UBXN2B: variants seen among roughly 807,000 people sequenced by gnomAD.
The protein encoded by UBXN2B is UBX domain protein 2B.
UBXN2B carries 19 observed loss-of-function variants against 37.5 expected under a neutral mutation model. The ratio of observed to expected loss-of-function variants is 0.51; its 90% CI spans 0.35 to 0.74. The LOEUF (loss-of-function observed/expected upper bound fraction) is 0.74. Ranked by LOEUF, UBXN2B falls within the 30% of genes least tolerant of loss-of-function variation. The pLI is 0.01. For missense variants in UBXN2B, 370 were observed against 393.2 expected (o/e 0.94, Z 0.50); for synonymous variants, 145 against 143.8 (o/e 1.01, Z -0.06).
intron 6 of UBXN2B, among the ~76,000 whole-genome samples, chr8:58,440,454 G>T (rs1808512955): frequency 1.3e-5 from 2 of 152,206 alleles, no homozygotes; most frequent in Non-Finnish European, 2.9e-5. Flanking sequence ...AGAAGGCATT[G>T]TATCTGAGAC....
intron 1 of UBXN2B, among the ~76,000 whole-genome samples, chr8:58,416,219 A>C (rs1386863379): frequency 6.6e-6 from 1 of 152,092 alleles, no homozygotes; most frequent in Non-Finnish European, 1.5e-5. Context: ...TTAAAATTCC[A>C]TTTTAAGAAC....
At chr8:58,425,906 C>T in intron 2 of UBXN2B, 1 of 1,211,200 alleles carries the variant, frequency 8.3e-7, no homozygotes, top group Non-Finnish European at 1.2e-6. Flanking sequence ...TTTGTCATCA[C>T]TGGTGCGCAC....
chr8:58,434,349 A>C, intron 4 of UBXN2B, 46 bp from the exon 5 acceptor site: 1 of 194,454 alleles, frequency 5.1e-6, no homozygotes, highest in Non-Finnish European at 8.4e-6. Context: ...GTATATGTGA[A>C]TATATATATA....
intron 2 of UBXN2B, 81 bp downstream of exon 2, chr8:58,417,034 C>T (rs1807803140): frequency 9.7e-6 from 11 of 1,130,828 alleles, no homozygotes; most frequent in Non-Finnish European, 1.3e-5. Context: ...TTTTAAATGG[C>T]CTTCTTCAAG....
At chr8:58,426,104 A>C (rs11988442) in intron 2 of UBXN2B, 201,849 of 1,316,886 alleles carry the variant, frequency 0.15, 16,983 homozygotes, top group African/African-American at 0.22. Context: ...CTTCTCTTTT[A>C]ATTGCCCGTG....
At chr8:58,435,358 A>G (rs1433827040) in intron 5 of UBXN2B, among the ~76,000 whole-genome samples, 2 of 152,280 alleles carry the variant, frequency 1.3e-5, no homozygotes, top group Non-Finnish European at 2.9e-5. Flanking sequence ...TGAATTTTGA[A>G]TTTAAATTAT....
chr8:58,422,395 G>A (rs1334258931), intron 2 of UBXN2B, among the ~76,000 whole-genome samples: 3 of 152,190 alleles, frequency 2.0e-5, no homozygotes, highest in African/African-American at 7.2e-5. Flanking sequence ...AGAAGAATCC[G>A]AGGAAACAAT....
intron 1 of UBXN2B, among the ~76,000 whole-genome samples, chr8:58,414,645 T>A (rs1807725514): frequency 1.3e-5 from 2 of 152,144 alleles, no homozygotes; most frequent in African/African-American, 4.8e-5. Context: ...GTCATCTATG[T>A]TAAATAATAT....
At chr8:58,430,899 C>T (rs914749608) in intron 3 of UBXN2B, among the ~76,000 whole-genome samples, 1 of 152,120 alleles carries the variant, frequency 6.6e-6, no homozygotes, top group Non-Finnish European at 1.5e-5. Context: ...TTAGTAGAGT[C>T]ACAGGCATTT....
chr8:58,436,051 T>C (rs1400573575), intron 5 of UBXN2B, among the ~76,000 whole-genome samples: 3 of 152,214 alleles, frequency 2.0e-5, no homozygotes, highest in Non-Finnish European at 1.5e-5. Flanking sequence ...CATGTTTTAG[T>C]TTATAAATGC....
chr8:58,426,969 A>T (rs1474054710), intron 2 of UBXN2B, among the ~76,000 whole-genome samples: 1 of 152,184 alleles, frequency 6.6e-6, no homozygotes, highest in Non-Finnish European at 1.5e-5. Context: ...TAGTTTTCTT[A>T]CCTGTAAAAT....
chr8:58,423,687 G>A (rs13277110), intron 2 of UBXN2B, among the ~76,000 whole-genome samples: 24,605 of 150,976 alleles, frequency 0.16, 2,194 homozygotes, highest in African/African-American at 0.23. Flanking sequence ...CGCCAGCCTC[G>A]GCCTCCCAAA....
At chr8:58,413,995 A>G (rs1295740725) in intron 1 of UBXN2B, among the ~76,000 whole-genome samples, 1 of 152,114 alleles carries the variant, frequency 6.6e-6, no homozygotes, top group Non-Finnish European at 1.5e-5. Context: ...GTTTTCCTCC[A>G]CATATTATCT....
chr8:58,420,727 A>G (rs1483583321), intron 2 of UBXN2B, among the ~76,000 whole-genome samples: 1 of 152,250 alleles, frequency 6.6e-6, no homozygotes, highest in African/African-American at 2.4e-5. Context: ...TTTGATATAC[A>G]GCAAAGTTAT....
At chr8:58,421,440 A>G (rs1807922436) in intron 2 of UBXN2B, among the ~76,000 whole-genome samples, 2 of 152,040 alleles carry the variant, frequency 1.3e-5, no homozygotes, top group South Asian at 4.1e-4. Context: ...CAAAATATAA[A>G]ATCCTATGCT....
At chr8:58,446,779 A>ATTTTGTTTTTT (rs1808682688) in intron 7 of UBXN2B, among the ~76,000 whole-genome samples, 1 of 17,386 alleles carries the variant, frequency 5.8e-5, no homozygotes, top group African/African-American at 2.2e-4. Context: ...TACAACCTGC[A>ATTTTGTTTTTT]TTTTTTTTTT....
chr8:58,426,028 A>C, intron 2 of UBXN2B: 1 of 1,411,718 alleles, frequency 7.1e-7, no homozygotes, highest in Non-Finnish European at 1.0e-6. Context: ...GGTGTCCCTG[A>C]AACCACCTTT....
chr8:58,421,144 C>G (rs752417519), intron 2 of UBXN2B, among the ~76,000 whole-genome samples: 8 of 152,070 alleles, frequency 5.3e-5, no homozygotes, highest in South Asian at 2.1e-4. Flanking sequence ...ATAAAATTAC[C>G]TCTAAAAACA....
intron 7 of UBXN2B, among the ~76,000 whole-genome samples, chr8:58,446,778 CATTTTTTTTTTTT>C (rs1808682275): frequency 6.7e-5 from 1 of 14,974 alleles, no homozygotes; most frequent in Non-Finnish European, 1.4e-4. Flanking sequence ...GTACAACCTG[CATTTTTTTTTTTT>C]TTTTTTTTTT....
Sources: gnomAD v4.1 joint callset for allele counts (sites outside exome capture counted in the v4.1 genomes callset) on GRCh38, gnomAD v4.1.1 for gene constraint, MANE v1.5 for transcripts, NCBI Gene and HGNC (gene_info 2026-07-23, HGNC 2026-07-21) for gene names.